Variants in CDK6 observed in about 807,000 individuals in gnomAD.
CDK6 encodes cyclin-dependent kinase 6.
In CDK6, 6 loss-of-function variants were observed where a neutral mutation model predicts 37.1. The ratio of observed to expected loss-of-function variants is 0.16; its 90% CI spans 0.09 to 0.32. The LOEUF (loss-of-function observed/expected upper bound fraction) is 0.32. CDK6 is among the 10% of genes least tolerant of loss of function. The probability of loss-of-function intolerance (pLI) is 1.00; values close to 1 mark genes in which losing one functional copy is unlikely to be tolerated. For synonymous variants in CDK6, 160 were observed against 161.3 expected (o/e 0.99, Z 0.06); for missense variants, 224 against 418.9 (o/e 0.53, Z 4.06).
rs1275851327 is a variant in CDK6, at chr7:92,834,139, G to A, written c.-367-449C>T. Among the ~76,000 whole-genome samples, 1 of 152,070 alleles carries A rather than the reference G, an allele frequency of 6.6e-6. No homozygotes were observed. The highest frequency in any genetic ancestry group is 2.4e-5 in the African/African-American group (1 of 41,396). On this transcript the variant is annotated intron_variant, in intron 1 of 7. Transcript: ENST00000424848. The surrounding 1 kb of genome is among the most constrained non-coding windows in gnomAD (Gnocchi z 4.6). ...GAGACGGGGTCCAGGGGTGCCGGAGGGCGTTCAGGGGTCGCGCACAAGCTG... is the reference window on the plus strand; with the variant it reads ...GAGACGGGGTCCAGGGGTGCCGGAGAGCGTTCAGGGGTCGCGCACAAGCTG...
intron 5 of CDK6, among the ~76,000 whole-genome samples, chr7:92,662,053 CA>C (rs1477520152): frequency 6.6e-6 from 1 of 152,008 alleles, no homozygotes; most frequent in African/African-American, 2.4e-5. Context: ...AATGGAGAGA[CA>C]AGGGCATGAT....
intron 2 of CDK6, among the ~76,000 whole-genome samples, chr7:92,775,980 T>C (rs969274516): frequency 6.6e-6 from 1 of 152,154 alleles, no homozygotes; most frequent in African/African-American, 2.4e-5. Context: ...GTTACATAGG[T>C]ATACACGTGC....
At chr7:92,786,025 A>G (rs1443670006) in intron 2 of CDK6, among the ~76,000 whole-genome samples, 1 of 152,250 alleles carries the variant, frequency 6.6e-6, no homozygotes, top group Non-Finnish European at 1.5e-5. Flanking sequence ...TCTCAGAAAT[A>G]AGTGAGTTAA....
intron 5 of CDK6, among the ~76,000 whole-genome samples, chr7:92,669,302 T>C (rs1021831392): frequency 1.3e-5 from 2 of 152,248 alleles, no homozygotes; most frequent in Admixed American, 1.3e-4. Flanking sequence ...CAGTGGAAAA[T>C]GCTTTTAACA....
intron 4 of CDK6, among the ~76,000 whole-genome samples, chr7:92,684,330 C>T (rs528141039): frequency 2.0e-5 from 3 of 152,198 alleles, no homozygotes; most frequent in Non-Finnish European, 4.4e-5. Context: ...TCAACATTTC[C>T]ATAGTAATGC....
chr7:92,714,896 T>G (rs979689015), intron 4 of CDK6, among the ~76,000 whole-genome samples: 1 of 152,192 alleles, frequency 6.6e-6, no homozygotes, highest in Non-Finnish European at 1.5e-5. Context: ...GTCAGACTGT[T>G]TATTCTTGAC....
In CDK6 at chr7:92,609,937, T is replaced by C. The variant is rs1465805597; in HGVS notation, c.*5203A>G. The C allele has an allele frequency of 2.2e-5, 5 of 230,308 alleles. No individual in the cohort carries two copies. The East Asian group carries it at 2.5e-4, about 11-fold the overall frequency. 14.3% of individuals were successfully genotyped at this position (230,308 alleles called of 1,614,324 possible). The stretch of plus-strand genomic sequence containing the variant: ...CAGAACCTAGGTAACAAGTAAAATA[T>C]TGAAGTTACAGAACATTATAGAGAC... On this transcript the variant is annotated 3_prime_UTR_variant, in exon 8 of 8. Coordinates refer to ENST00000424848, the MANE Select transcript of CDK6 (RefSeq NM_001145306.2).
chr7:92,645,696 TAA>T (rs778901325), intron 5 of CDK6, among the ~76,000 whole-genome samples: 36 of 152,238 alleles, frequency 2.4e-4, no homozygotes, highest in Non-Finnish European at 4.4e-4. Flanking sequence ...AACAGGCAGT[TAA>T]GAGGGGGCAG....
chr7:92,737,401 C>T (rs754101476), intron 3 of CDK6, among the ~76,000 whole-genome samples: 28 of 152,140 alleles, frequency 1.8e-4, no homozygotes, highest in Non-Finnish European at 3.4e-4. Flanking sequence ...TGTTATTATT[C>T]ATTGAATGTA....
intron 2 of CDK6, among the ~76,000 whole-genome samples, chr7:92,810,130 C>T (rs144911913): frequency 1.3e-5 from 2 of 152,148 alleles, no homozygotes; most frequent in South Asian, 2.1e-4. Context: ...AATATATATG[C>T]GTGTGTATGT....
intron 4 of CDK6, among the ~76,000 whole-genome samples, chr7:92,681,074 T>C (rs549874237): frequency 3.3e-5 from 5 of 152,324 alleles, no homozygotes; most frequent in South Asian, 2.1e-4. Flanking sequence ...TGAAGATGGA[T>C]AGAGGCAATC....
intron 2 of CDK6, among the ~76,000 whole-genome samples, chr7:92,809,572 G>C (rs1413106488): frequency 2.0e-5 from 3 of 152,176 alleles, no homozygotes; most frequent in African/African-American, 7.2e-5. Context: ...AGGTTGCACA[G>C]AAACAATAAA....
intron 3 of CDK6, among the ~76,000 whole-genome samples, chr7:92,745,705 GA>G (rs1265960158): frequency 6.6e-6 from 1 of 152,148 alleles, no homozygotes; most frequent in East Asian, 1.9e-4. Context: ...AACTTTCCAT[GA>G]AAAAATTTTA....
At chr7:92,725,513 T>C (rs1585431952) in intron 4 of CDK6, 113 bp downstream of exon 4, 1 of 1,205,642 alleles carries the variant, frequency 8.3e-7, no homozygotes, top group Non-Finnish European at 1.2e-6. Context: ...AAAGACATTC[T>C]ATCCACCAAC....
chr7:92,730,827 A>C (rs1026055211), intron 3 of CDK6, among the ~76,000 whole-genome samples: 1 of 152,142 alleles, frequency 6.6e-6, no homozygotes, highest in African/African-American at 2.4e-5. Context: ...TGCTGTGAAT[A>C]TTGCTGCTAT....
At chr7:92,694,227 T>A (rs1486996880) in intron 4 of CDK6, among the ~76,000 whole-genome samples, 1 of 152,216 alleles carries the variant, frequency 6.6e-6, no homozygotes. Context: ...AACCTTTGTA[T>A]ATTTATTACT....
In CDK6 at chr7:92,615,560, T is replaced by C. The variant is rs540212452; in HGVS notation, c.835-274A>G. 8.5e-4 allele frequency among the ~76,000 whole-genome samples: 130 copies of C among 152,312 alleles called. 1 individual carries two copies. Among genetic ancestry groups the C allele is most frequent in the African/African-American group, 3.0e-3 (126 of 41,548 alleles). ...CCATTAAAGTATGCATATAACTTTA[T>C]TTAGTAATTCTTCCAGTGCTAGCAA... On this transcript the variant is annotated intron_variant, in intron 7 of 7. Coordinates refer to ENST00000424848, the MANE Select transcript of CDK6 (RefSeq NM_001145306.2).
intron 5 of CDK6, 50 bp downstream of exon 5, chr7:92,671,376 C>G (rs1209926812): frequency 1.7e-6 from 2 of 1,195,362 alleles, no homozygotes; most frequent in Admixed American, 2.2e-5. Context: ...TCACAAAGAT[C>G]CACAGTCTCT....
At chr7:92,668,764 T>A (rs1177073221) in intron 5 of CDK6, among the ~76,000 whole-genome samples, 1 of 152,114 alleles carries the variant, frequency 6.6e-6, no homozygotes, top group Non-Finnish European at 1.5e-5. Context: ...TCATCTGGCA[T>A]AAGTAAGAAG....
Sources: gnomAD v4.1 joint callset for allele counts (sites outside exome capture counted in the v4.1 genomes callset) on GRCh38, gnomAD v4.1.1 for gene constraint, Gnocchi (gnomAD v3.1) non-coding constraint, MANE v1.5 for transcripts, NCBI Gene and HGNC (gene_info 2026-07-23, HGNC 2026-07-21) for gene names.